The following ANO10 variants were observed in gnomAD, a reference collection of about 807,000 sequenced individuals.
ANO10 encodes the protein anoctamin 10.
ANO10 carries 77 observed loss-of-function variants against 74.7 expected under a neutral mutation model. The ratio of observed to expected loss-of-function variants is 1.03; its 90% confidence interval spans 0.86 to 1.25. The LOEUF is 1.25. ANO10 is among the 50% of genes most tolerant of loss of function. ANO10 has a pLI of 0.00. For missense variants in ANO10, 721 were observed against 778.1 expected, an observed-to-expected ratio of 0.93 and a Z score of 0.87; for synonymous variants, 279 against 284.9, an observed-to-expected ratio of 0.98 and a Z score of 0.21.
chr3:43,454,590 A>T (rs2075042284), intron 11 of ANO10, among the ~76,000 whole-genome samples: 1 of 151,896 alleles, frequency 6.6e-6, no homozygotes. Flanking sequence ...AGAGATACTA[A>T]AGAAGAGTGG....
At chr3:43,648,306 A>G (rs1414707951) in intron 1 of ANO10, among the ~76,000 whole-genome samples, 3 of 152,160 alleles carry the variant, frequency 2.0e-5, no homozygotes, top group African/African-American at 7.2e-5. Flanking sequence ...TGGCCCTGTT[A>G]CAGGAAAGAG....
intron 11 of ANO10, among the ~76,000 whole-genome samples, chr3:43,472,248 A>G (rs1317543578): frequency 1.3e-5 from 2 of 152,146 alleles, no homozygotes; most frequent in Non-Finnish European, 2.9e-5. Context: ...GAGTTTGACA[A>G]TGGAGGGAAA....
At chr3:43,556,208 A>G (rs2079740936) in intron 9 of ANO10, among the ~76,000 whole-genome samples, 1 of 152,166 alleles carries the variant, frequency 6.6e-6, no homozygotes, top group Non-Finnish European at 1.5e-5. Context: ...AAGAGTAAAA[A>G]TCTTAGCAAT....
intron 7 of ANO10, among the ~76,000 whole-genome samples, chr3:43,565,942 G>A (rs958958890): frequency 3.3e-5 from 5 of 152,158 alleles, no homozygotes; most frequent in African/African-American, 1.2e-4. Flanking sequence ...TCTCACTAGG[G>A]AGTGCCAGAC....
chr3:43,597,030 C>T (rs1427027826), intron 4 of ANO10, among the ~76,000 whole-genome samples: 7 of 152,100 alleles, frequency 4.6e-5, no homozygotes, highest in Admixed American at 2.6e-4. Context: ...TCATCACTGG[C>T]CATCAGAGAA....
intron 11 of ANO10, among the ~76,000 whole-genome samples, chr3:43,546,210 C>T (rs1182418680): frequency 1.3e-5 from 2 of 152,114 alleles, no homozygotes; most frequent in East Asian, 1.9e-4. Context: ...AACTTCTGAT[C>T]GATAGTTAAC....
chr3:43,641,353 A>G (rs1192920074), intron 1 of ANO10, among the ~76,000 whole-genome samples: 4 of 152,212 alleles, frequency 2.6e-5, no homozygotes, highest in Non-Finnish European at 4.4e-5. Context: ...CACTGTTTAC[A>G]GTAGAAGAAA....
intron 11 of ANO10, among the ~76,000 whole-genome samples, chr3:43,548,206 T>G (rs2079289099): frequency 6.6e-6 from 1 of 152,218 alleles, no homozygotes; most frequent in Admixed American, 6.5e-5. Flanking sequence ...CAAAAGCCTT[T>G]AATTAACTCT....
intron 12 of ANO10, among the ~76,000 whole-genome samples, chr3:43,410,286 T>C (rs1249471514): frequency 2.0e-5 from 3 of 152,092 alleles, no homozygotes; most frequent in Non-Finnish European, 4.4e-5. Flanking sequence ...AGTCTCTCTG[T>C]CTCACCCAGG....
intron 1 of ANO10, among the ~76,000 whole-genome samples, chr3:43,667,092 T>G (rs1251383803): frequency 7.3e-6 from 1 of 136,224 alleles, no homozygotes; most frequent in Non-Finnish European, 1.6e-5. Context: ...TTTTTTTTTT[T>G]TTTTTTGTCT....
chr3:43,373,694 AG>A (rs1020042274), intron 12 of ANO10, among the ~76,000 whole-genome samples: 1 of 152,222 alleles, frequency 6.6e-6, no homozygotes, highest in Non-Finnish European at 1.5e-5. Context: ...AGCCATCCCC[AG>A]GCACACACTC....
chr3:43,605,036 T>C (rs1214672962), intron 2 of ANO10, among the ~76,000 whole-genome samples: 1 of 152,176 alleles, frequency 6.6e-6, no homozygotes, highest in Non-Finnish European at 1.5e-5. Flanking sequence ...TTGTTTTGTA[T>C]AGTTTACAAA....
At chr3:43,587,961 A>G (rs2081553882) in intron 4 of ANO10, among the ~76,000 whole-genome samples, 1 of 152,162 alleles carries the variant, frequency 6.6e-6, no homozygotes, top group Admixed American at 6.5e-5. Context: ...ACCCAAACTG[A>G]CCCCAGTAGT....
At chr3:43,595,302 C>T (rs577786479) in intron 4 of ANO10, among the ~76,000 whole-genome samples, 5 of 152,168 alleles carry the variant, frequency 3.3e-5, no homozygotes, top group Admixed American at 3.3e-4. Flanking sequence ...CTGGCAGAGA[C>T]ACAACAAAAA....
At chr3:43,503,127 GA>G (rs1396112725) in intron 11 of ANO10, among the ~76,000 whole-genome samples, 13 of 152,044 alleles carry the variant, frequency 8.6e-5, no homozygotes, top group Non-Finnish European at 1.6e-4. Context: ...TGGGAAAAAA[GA>G]AAAAATGCAA....
intron 7 of ANO10, among the ~76,000 whole-genome samples, chr3:43,569,304 GA>G (rs1322676424): frequency 7.4e-6 from 1 of 135,800 alleles, no homozygotes; most frequent in South Asian, 2.5e-4. Flanking sequence ...CCAATCAATA[GA>G]AAAAGAGGGA....
At chr3:43,491,338 A>AC (rs1205828853) in intron 11 of ANO10, among the ~76,000 whole-genome samples, 6 of 152,056 alleles carry the variant, frequency 3.9e-5, no homozygotes, top group African/African-American at 1.4e-4. Flanking sequence ...ACATGGCGAA[A>AC]CCCCATCTCT....
chr3:43,455,786 T>G (rs1364004997), intron 11 of ANO10, among the ~76,000 whole-genome samples: 4 of 151,336 alleles, frequency 2.6e-5, no homozygotes, highest in Admixed American at 2.6e-4. Context: ...AAACATTGGT[T>G]ACAAACCTTT....
At chr3:43,495,642 G>C (rs1263077021) in intron 11 of ANO10, among the ~76,000 whole-genome samples, 1 of 152,086 alleles carries the variant, frequency 6.6e-6, no homozygotes, top group East Asian at 1.9e-4. Context: ...CTCAATGCTG[G>C]TCAGGAAATT....
Sources: gnomAD v4.1 joint callset for allele counts (sites outside exome capture counted in the v4.1 genomes callset) on GRCh38, gnomAD v4.1.1 for gene constraint, MANE v1.5 for transcripts, NCBI Gene and HGNC (gene_info 2026-07-23, HGNC 2026-07-21) for gene names.